The following GRIK4 variants were observed in gnomAD, a reference collection of about 807,000 sequenced individuals.
GRIK4 encodes the protein glutamate ionotropic receptor kainate type subunit 4.
In GRIK4, 40 loss-of-function variants were observed where a neutral mutation model predicts 104.9. The observed-to-expected ratio is 0.38, with a 90% CI of 0.30 to 0.50. The LOEUF (loss-of-function observed/expected upper bound fraction) is 0.50. Among genes scored for constraint, GRIK4 ranks in the 20% least tolerant of loss-of-function variants. The pLI, the probability that GRIK4 is intolerant of heterozygous loss-of-function variation, is 0.93. For missense variants in GRIK4, 1,047 were observed against 1,308.1 expected (o/e 0.80, Z 3.08); for synonymous variants, 485 against 524.9 (o/e 0.92, Z 1.04).
Position 120,836,772 on chromosome 11 carries a change from C to T in GRIK4, c.691-19C>T. 1 of 1,575,904 alleles carries T rather than the reference C, an allele frequency of 6.3e-7. No individual in the cohort carries two copies. The highest frequency in any genetic ancestry group is 8.7e-7 in the Non-Finnish European group (1 of 1,145,080). On this transcript the variant is annotated intron_variant, in intron 7 of 20. Coordinates refer to ENST00000527524, the MANE Select transcript of GRIK4 (RefSeq NM_014619.5). ...GAGTTTTTGTTTTCTTCTCTAATCT[C>T]CTTCTCTTCGCCTTGCAGGCAGCCG...
chr11:120,599,238 T>C (rs887880376), intron 1 of GRIK4, among the ~76,000 whole-genome samples: 5 of 152,252 alleles, frequency 3.3e-5, no homozygotes, highest in Admixed American at 1.3e-4. Context: ...CCTTTTGAAT[T>C]GATCCTTGTT....
chr11:120,732,692 C>T (rs1210134767), intron 3 of GRIK4, among the ~76,000 whole-genome samples: 1 of 152,096 alleles, frequency 6.6e-6, no homozygotes, highest in African/African-American at 2.4e-5. Context: ...CCATTGTGGT[C>T]AGAGAATATG....
At chr11:120,660,185 C>G (rs547501559) in intron 2 of GRIK4, 84 bp from the exon 3 acceptor site, 1 of 660,974 alleles carries the variant, frequency 1.5e-6, no homozygotes, top group Admixed American at 2.4e-5. Flanking sequence ...GGGGCCTCTC[C>G]GGCTCCTGGG....
rs115264749 is a variant in GRIK4, at chr11:120,515,370, G to A, written c.-159+3483G>A. The stretch of plus-strand genomic sequence containing the variant: ...CTCACCTGTAAAATGGGGACTCTGA[G>A]CCTCACTGGCCTCACCTGTAAAATG... On this transcript the variant is annotated intron_variant, in intron 1 of 20. Coordinates refer to ENST00000527524, the MANE Select transcript of GRIK4 (RefSeq NM_014619.5). Among the ~76,000 whole-genome samples, 870 of 152,278 alleles carry A rather than the reference G, an allele frequency of 5.7e-3. 11 individuals are homozygous for A. Among genetic ancestry groups the A allele is most frequent in the African/African-American group, 0.02 (811 of 41,550 alleles).
At chr11:120,622,230 G>T (rs1426932705) in intron 1 of GRIK4, among the ~76,000 whole-genome samples, 1 of 152,078 alleles carries the variant, frequency 6.6e-6, no homozygotes, top group Non-Finnish European at 1.5e-5. Flanking sequence ...TGACAAATGT[G>T]CAACCACCAC....
At chr11:120,611,984 G>T (rs1314539765) in intron 1 of GRIK4, among the ~76,000 whole-genome samples, 1 of 152,112 alleles carries the variant, frequency 6.6e-6, no homozygotes, top group Non-Finnish European at 1.5e-5. Context: ...ATAGAAAGTT[G>T]GTGACCCCTT....
At chr11:120,615,116 T>A (rs551806953) in intron 1 of GRIK4, among the ~76,000 whole-genome samples, 1 of 152,232 alleles carries the variant, frequency 6.6e-6, no homozygotes, top group Non-Finnish European at 1.5e-5. Flanking sequence ...TCTGTGTATC[T>A]CATCTTGGTC....
rs899363741 is a variant in GRIK4, at chr11:120,939,894, C to T, written c.1477-453C>T. Among the ~76,000 whole-genome samples the T allele has an allele frequency of 3.9e-5, 6 of 152,010 alleles. No individual in the cohort carries two copies. The highest frequency in any genetic ancestry group is 1.4e-4 in the African/African-American group (6 of 41,450). ...ACTCGGGAAGCTGAGGCAGGAGAAT[C>T]GCTTGAACTCAGGAGGCAGAGGTTG... is the stretch of plus-strand genomic sequence containing the variant. On this transcript the variant is annotated intron_variant, in intron 13 of 20. Transcript: ENST00000527524. This position sits in a 1 kb window ranked among gnomAD's most constrained non-coding sequence, Gnocchi z 5.6.
At chr11:120,892,458 G>C (rs959510153) in intron 11 of GRIK4, among the ~76,000 whole-genome samples, 2 of 152,182 alleles carry the variant, frequency 1.3e-5, no homozygotes, top group African/African-American at 2.4e-5. Flanking sequence ...GGCAAGATCA[G>C]TGGGGATTTT....
chr11:120,952,669 C>A lies in GRIK4; in HGVS notation c.1591-186C>A, dbSNP rs893025322. Among the ~76,000 whole-genome samples the A allele has an allele frequency of 6.6e-6, 1 of 152,114 alleles. No individual in the cohort carries two copies. The highest frequency in any genetic ancestry group is 6.5e-5 in the Admixed American group (1 of 15,274). On this transcript the variant is annotated intron_variant, in intron 14 of 20. Coordinates refer to ENST00000527524, the MANE Select transcript of GRIK4 (RefSeq NM_014619.5). The surrounding 1 kb of genome is among the most constrained non-coding windows in gnomAD (Gnocchi z 5.2). ...TCACCTGCTGAGGTCAGGGCTGGGT[C>A]GTGTCATTTGCGCAGCCCGGCAACA...
intron 9 of GRIK4, among the ~76,000 whole-genome samples, chr11:120,867,055 A>G (rs1399361890): frequency 6.6e-6 from 1 of 152,076 alleles, no homozygotes; most frequent in Non-Finnish European, 1.5e-5. Context: ...CAGCACTCCA[A>G]TATAACCTGG....
intron 8 of GRIK4, among the ~76,000 whole-genome samples, chr11:120,840,028 C>A (rs909498124): frequency 2.4e-4 from 37 of 152,170 alleles, no homozygotes; most frequent in Non-Finnish European, 1.5e-4. Context: ...AGGAACTGAG[C>A]CAGAGAGAGC....
chr11:120,815,724 C>T (rs1952939012), intron 5 of GRIK4, among the ~76,000 whole-genome samples: 1 of 152,086 alleles, frequency 6.6e-6, no homozygotes, highest in Admixed American at 6.5e-5. Flanking sequence ...CTTAGGGTCC[C>T]ATGGCGGTGC....
At chr11:120,879,465 CG>C (rs1247894536) in intron 11 of GRIK4, among the ~76,000 whole-genome samples, 1 of 152,230 alleles carries the variant, frequency 6.6e-6, no homozygotes, top group African/African-American at 2.4e-5. Context: ...ATTGGTAAAA[CG>C]TCTGAACCAA....
chr11:120,766,327 C>G (rs889995776), intron 3 of GRIK4, among the ~76,000 whole-genome samples: 9 of 152,218 alleles, frequency 5.9e-5, no homozygotes, highest in Admixed American at 6.5e-5. Context: ...CATCCCAGGT[C>G]GACTTCAGAC....
intron 2 of GRIK4, 131 bp from the exon 3 acceptor site, chr11:120,660,138 C>A (rs891024375): frequency 2.9e-5 from 17 of 594,006 alleles, no homozygotes; most frequent in Non-Finnish European, 4.5e-5. Flanking sequence ...AGAACCTGAG[C>A]CTTCTTTGAG....
chr11:120,636,839 C>CAA (rs151087499), intron 1 of GRIK4, among the ~76,000 whole-genome samples: 76 of 148,520 alleles, frequency 5.1e-4, no homozygotes, highest in African/African-American at 8.4e-4. Flanking sequence ...GACTCCGTCT[C>CAA]AAAAAAAAAA....
At position 120,905,532 on chromosome 11, in the gene GRIK4, TG is replaced by T; in HGVS notation, c.1476+42del. 2.4e-6 allele frequency: 1 copy of T among 408,188 alleles called. No individual in the cohort carries two copies. The allele number at this position is 408,188 out of a possible 1,614,324, so 25.3% of individuals were successfully genotyped here. A position where few individuals can be genotyped will look rare whatever the true frequency, so the allele number is the denominator to read the frequency against. On this transcript the variant is annotated intron_variant, in intron 13 of 20. Coordinates refer to ENST00000527524, the MANE Select transcript of GRIK4 (RefSeq NM_014619.5). This position sits in a 1 kb window ranked among gnomAD's most constrained non-coding sequence, Gnocchi z 5.1. The stretch of plus-strand genomic sequence containing the variant: ...AAGTGATCTGGGCCTGAGGGTGGGC[TG>T]GGAGGGATTGGAAGAGCATGAGGTT...
intron 11 of GRIK4, 65 bp downstream of exon 11, chr11:120,875,308 G>C: frequency 3.7e-6 from 4 of 1,067,374 alleles, no homozygotes; most frequent in Non-Finnish European, 5.8e-6. Flanking sequence ...TGATGCCTCG[G>C]TGTTTTGGAT....
Sources: allele counts gnomAD v4.1 joint callset (sites outside exome capture counted in the v4.1 genomes callset), GRCh38; gene constraint gnomAD v4.1.1; non-coding constraint Gnocchi (gnomAD v3.1); transcripts MANE v1.5; gene names NCBI Gene and HGNC (gene_info 2026-07-23, HGNC 2026-07-21).